CNTNAP1: variants seen among roughly 807,000 people sequenced by gnomAD.
The protein encoded by CNTNAP1 is contactin-associated protein 1.
Under a neutral mutation model 161.5 loss-of-function variants are expected in CNTNAP1, and 80 were observed. The ratio of observed to expected loss-of-function variants is 0.50; its 90% CI spans 0.41 to 0.60. CNTNAP1 has a LOEUF of 0.60. Ranked by LOEUF, CNTNAP1 falls within the 20% of genes least tolerant of loss-of-function variation. The probability of loss-of-function intolerance (pLI) is 0.00; values close to 1 mark genes in which losing one functional copy is unlikely to be tolerated. For synonymous variants in CNTNAP1, 695 were observed against 733.1 expected, an observed-to-expected ratio of 0.95 and a Z score of 0.84; for missense variants, 1,464 against 1,854.8, an observed-to-expected ratio of 0.79 and a Z score of 3.87.
chr17:42,698,205 C>T (rs971821825), intron 23 of CNTNAP1, among the ~76,000 whole-genome samples: 3 of 152,064 alleles, frequency 2.0e-5, no homozygotes, highest in Non-Finnish European at 4.4e-5. Context: ...GAGGATGCTA[C>T]AGATTTTTAA....
intron 1 of CNTNAP1, 111 bp from the exon 2 acceptor site, chr17:42,683,710 G>T: frequency 1.4e-6 from 2 of 1,478,196 alleles, no homozygotes; most frequent in Non-Finnish European, 1.8e-6. Flanking sequence ...TGTGCCTCTG[G>T]GGGCGGGGGT....
Position 42,692,813 on chromosome 17 carries a change from G to A in CNTNAP1, c.2752+93G>A, listed in dbSNP as rs376832939. On this transcript the variant is annotated intron_variant, in intron 17 of 23. Transcript: ENST00000264638. ...TGTTTCCAGGAGCCTCCTGTCTTAGGTGCCAGTCCCCTCTGCTTCAGAGCA... is the reference window on the plus strand; with the variant it reads ...TGTTTCCAGGAGCCTCCTGTCTTAGATGCCAGTCCCCTCTGCTTCAGAGCA... The A allele has an allele frequency of 2.1e-4, 242 of 1,150,706 alleles. 5 individuals carry two copies. In the South Asian group the frequency reaches 3.2e-3, roughly 15 times the overall value. The allele number at this position is 1,150,706 out of a possible 1,614,324, so 71.3% of individuals were successfully genotyped here. A position where few individuals can be genotyped will look rare whatever the true frequency, so the allele number is the denominator to read the frequency against.
Position 42,688,607 on chromosome 17 carries a change from TG to T in CNTNAP1, c.1456+1del, listed in dbSNP as rs746109679. The T allele has an allele frequency of 1.1e-5, 18 of 1,613,944 alleles. No individual in the cohort carries two copies. The highest frequency in any genetic ancestry group is 2.5e-6 in the Non-Finnish European group (3 of 1,180,008). ...LIRTGTSYFF[G>X]GCPKPASRWD... The stretch of plus-strand genomic sequence containing the variant: ...TCCGGACAGGGACCTCATATTTCTT[TG>T]GGGGTAAGTGGGGGCCAACCTGACC... On this transcript the variant is annotated frameshift_variant, in exon 9 of 24. Transcript: ENST00000264638. LOFTEE classifies it high-confidence loss of function.
Position 42,691,119 on chromosome 17 carries a change from C to T in CNTNAP1, c.2060-18C>T, listed in dbSNP as rs755795511. 2 of 1,612,432 alleles carry T rather than the reference C, an allele frequency of 1.2e-6. No homozygotes were observed. Among genetic ancestry groups the T allele is most frequent in the South Asian group, 2.2e-5 (2 of 90,860 alleles). On this transcript the variant is annotated intron_variant, in intron 13 of 23. Transcript: ENST00000264638. The surrounding 1 kb of genome is among the most constrained non-coding windows in gnomAD (Gnocchi z 4.3). ...ATGGAGGGACAGGGCCTGGAAGCTG[C>T]CTGCACCTCTTCCCCAGGAGGCTAC...
rs957452789 is a variant in CNTNAP1 at position 42,682,999 on chromosome 17, G to T, written c.67+103G>T. 44 of 1,099,076 alleles carry T rather than the reference G, an allele frequency of 4.0e-5. No homozygotes were observed. The African/African-American group carries it at 7.0e-4, about 17-fold the overall frequency. The allele number at this position is 1,099,076 out of a possible 1,614,324, so 68.1% of individuals were successfully genotyped here. A position where few individuals can be genotyped will look rare whatever the true frequency, so the allele number is the denominator to read the frequency against. ...GGCTGGGTGGTCGCGGGTCCTTCCC[G>T]GCCGGCGCGCGCCCGCTGGCTCTCA... On this transcript the variant is annotated intron_variant, in intron 1 of 23. Transcript: ENST00000264638.
rs1480650183 is a variant in CNTNAP1 at position 42,682,848 on chromosome 17, T to C, written c.19T>C (p.Phe7Leu). Residue 7 changes from phenylalanine to leucine, a missense_variant, in exon 1 of 24, where the codon TTC becomes CTC. Physicochemically the swap from Phe to Leu is conservative, Grantham distance 22. This residue lies in a region of CNTNAP1 where 77 missense variants were observed against 73.6 expected (regional missense o/e 1.05). Coordinates refer to ENST00000264638, the MANE Select transcript of CNTNAP1 (RefSeq NM_003632.3). ...GCCCTGCATGATGCATCTCCGGCTC[T>C]TCTGCATCCTGCTCGCCGCGGTCTC... is the stretch of plus-strand genomic sequence containing the variant. MMHLRL[F>L]CILLAAVSGA... 1 of 1,592,160 alleles carries C rather than the reference T, an allele frequency of 6.3e-7. No individual in the cohort carries two copies. Among genetic ancestry groups the C allele is most frequent in the Non-Finnish European group, 8.5e-7 (1 of 1,170,490 alleles).
At position 42,691,284 on chromosome 17, in the gene CNTNAP1, A is replaced by G; in HGVS notation, c.2207A>G (p.Gln736Arg). The G allele has an allele frequency of 6.2e-7, 1 of 1,614,156 alleles. No individual in the cohort carries two copies. Among genetic ancestry groups the G allele is most frequent in the African/African-American group, 1.3e-5 (1 of 75,042 alleles). The change falls in exon 14 of 24, where the codon CAG becomes CGG. Residue 736 changes from glutamine (Q) to arginine (R), a missense_variant. Gln to Arg is a conservative substitution (Grantham distance 43). Coordinates refer to ENST00000264638, the MANE Select transcript of CNTNAP1 (RefSeq NM_003632.3). The surrounding 1 kb of genome is among the most constrained non-coding windows in gnomAD (Gnocchi z 4.3). ...TTGTACTGCAACTGTGACGCTGACCAGCCCCAGTGGTGAGGGGGCAAAGGG... is the reference window on the plus strand; with the variant it reads ...TTGTACTGCAACTGTGACGCTGACCGGCCCCAGTGGTGAGGGGGCAAAGGG... ...PALYCNCDAD[Q>R]PQWRTDKGLL... is the part of the protein sequence containing the mutation.
At chr17:42,683,731 G>C in intron 1 of CNTNAP1, 90 bp from the exon 2 acceptor site, 2 of 1,496,080 alleles carry the variant, frequency 1.3e-6, no homozygotes, top group Non-Finnish European at 1.8e-6. Context: ...TGGGGGCACG[G>C]AAGGGGAAGC....
intron 19 of CNTNAP1, 31 bp from the exon 20 acceptor site, chr17:42,695,994 A>G (rs757997917): frequency 6.2e-7 from 1 of 1,611,588 alleles, no homozygotes; most frequent in South Asian, 1.1e-5. Context: ...ATGGGGCCTG[A>G]GACCCCAAAT....
At chr17:42,690,422 G>A (rs2053069659) in intron 12 of CNTNAP1, among the ~76,000 whole-genome samples, 1 of 151,392 alleles carries the variant, frequency 6.6e-6, no homozygotes, top group Admixed American at 6.6e-5. Flanking sequence ...TACTCGGGAG[G>A]TTGAGGCAGG....
chr17:42,683,017 G>T, intron 1 of CNTNAP1, 121 bp downstream of exon 1: 1 of 935,406 alleles, frequency 1.1e-6, no homozygotes. Flanking sequence ...CGCGCCCGCT[G>T]GCTCTCATCT....
chr17:42,690,715 G>T (rs776234356), intron 12 of CNTNAP1, 24 bp from the exon 13 acceptor site: 3 of 1,608,204 alleles, frequency 1.9e-6, no homozygotes, highest in Middle Eastern at 1.7e-4. Context: ...TCCAGCCAAA[G>T]CTCTGTCCCC....
In CNTNAP1 at chr17:42,689,036, C is replaced by A; in HGVS notation, c.1617C>A (p.Gly539=). The part of the protein sequence containing the change: ...FYAEVLFDTC[G]ITDRCSPNMC... The stretch of plus-strand genomic sequence containing the variant: ...CTGAGGTCCTCTTTGATACATGTGG[C>A]ATCACTGATAGGTACCCAGAAGCCC... Residue 539 remains glycine (G), a synonymous_variant, in exon 10 of 24, where the codon GGC becomes GGA. Coordinates refer to ENST00000264638, the MANE Select transcript of CNTNAP1 (RefSeq NM_003632.3). The A allele has an allele frequency of 6.3e-7, 1 of 1,584,780 alleles. No individual in the cohort carries two copies. The highest frequency in any genetic ancestry group is 1.2e-5 in the South Asian group (1 of 86,144).
At chr17:42,695,962 G>A (rs944996126) in intron 19 of CNTNAP1, 63 bp from the exon 20 acceptor site, 234 of 1,602,744 alleles carry the variant, frequency 1.5e-4, no homozygotes, top group Non-Finnish European at 1.8e-4. Context: ...AAGGACCCAC[G>A]TGCTGTTAGA....
chr17:42,689,389 C>T (rs1191692516), intron 10 of CNTNAP1, 132 bp from the exon 11 acceptor site: 12 of 682,968 alleles, frequency 1.8e-5, no homozygotes, highest in South Asian at 9.2e-5. Context: ...CGCTTATACC[C>T]GGCTGGCTAG....
rs2053088786 is a variant in CNTNAP1 at position 42,691,744 on chromosome 17, GT to G, written c.2345-60del. The G allele has an allele frequency of 1.3e-6, 2 of 1,564,660 alleles. No homozygotes were observed. Among genetic ancestry groups the G allele is most frequent in the African/African-American group, 1.4e-5 (1 of 73,696 alleles). On this transcript the variant is annotated intron_variant, in intron 15 of 23. Transcript: ENST00000264638. The surrounding 1 kb of genome is among the most constrained non-coding windows in gnomAD (Gnocchi z 4.3). ...CAACCTTCCCTGCCCCCAACCCCAGGTTCTCTTCCTCCTCCACCCTCCAATC... is the reference window on the plus strand; with the variant it reads ...CAACCTTCCCTGCCCCCAACCCCAGGTCTCTTCCTCCTCCACCCTCCAATC...
chr17:42,691,363 C>T lies in CNTNAP1; in HGVS notation c.2217-21C>T. 6.2e-7 allele frequency: 1 copy of T among 1,614,060 alleles called. No homozygotes were observed. ...AGGAGCTGAGTGGCTGGGGCTGAGC[C>T]ATGACATCCTGCCCCCACAGGAGAA... On this transcript the variant is annotated intron_variant, in intron 14 of 23. Transcript: ENST00000264638. The surrounding 1 kb of genome is among the most constrained non-coding windows in gnomAD (Gnocchi z 4.3).
In CNTNAP1 at chr17:42,688,117, G is replaced by A. The variant is rs2053041485; in HGVS notation, c.1306+136G>A. ...AGGGGGCAGGGCAGGAGGCCCCAGG[G>A]TACTGGGAAAAGGTGGGAGTGGCTA... On this transcript the variant is annotated intron_variant, in intron 8 of 23. Transcript: ENST00000264638. The A allele has an allele frequency of 2.3e-6, 3 of 1,309,496 alleles. No individual in the cohort carries two copies. The Admixed American group carries it at 8.0e-5, about 35-fold the overall frequency. 81.1% of individuals were successfully genotyped at this position (1,309,496 alleles called of 1,614,324 possible). A position where few individuals can be genotyped will look rare whatever the true frequency, so the allele number is the denominator to read the frequency against.
chr17:42,683,443 G>C, intron 1 of CNTNAP1: 2 of 1,100,704 alleles, frequency 1.8e-6, no homozygotes, highest in Non-Finnish European at 2.2e-6. Flanking sequence ...AGGTTTTGGG[G>C]GCCGAGTTGG....
Sources: allele counts gnomAD v4.1 joint callset (sites outside exome capture counted in the v4.1 genomes callset), GRCh38; gene constraint gnomAD v4.1.1; regional missense constraint gnomAD v4.1.1; non-coding constraint Gnocchi (gnomAD v3.1); transcripts MANE v1.5; gene names NCBI Gene and HGNC (gene_info 2026-07-23, HGNC 2026-07-21).